The following GRK3 variants were observed in gnomAD, a reference collection of about 807,000 sequenced individuals.
GRK3 encodes G protein-coupled receptor kinase 3.
In GRK3, 54 loss-of-function variants were observed where a neutral mutation model predicts 95.7. That is an observed-to-expected ratio of 0.56 (90% CI 0.45 to 0.71). The LOEUF is 0.71. Among genes scored for constraint, GRK3 ranks in the 30% least tolerant of loss-of-function variants. GRK3 has a pLI of 0.00. For synonymous variants in GRK3, 281 were observed against 290.8 expected (o/e 0.97, Z 0.34); for missense variants, 649 against 851.2 (o/e 0.76, Z 2.96).
intron 1 of GRK3, among the ~76,000 whole-genome samples, chr22:25,599,548 T>C (rs2146336055): frequency 6.8e-6 from 1 of 146,554 alleles, no homozygotes; most frequent in East Asian, 2.0e-4. Context: ...GCCGAGATCA[T>C]GCCACTGCAC....
intron 3 of GRK3, 47 bp from the exon 4 acceptor site, chr22:25,661,529 G>A: frequency 7.6e-7 from 1 of 1,308,818 alleles, no homozygotes; most frequent in Middle Eastern, 2.5e-4. Context: ...AATAAGGCAA[G>A]TTTCCAGGAA....
chr22:25,686,811 CTGTA>C (rs2085118283), intron 10 of GRK3, among the ~76,000 whole-genome samples: 1 of 152,106 alleles, frequency 6.6e-6, no homozygotes, highest in Admixed American at 6.5e-5. Flanking sequence ...AAATATCTGT[CTGTA>C]TGATCAGTTT....
At chr22:25,599,407 A>G (rs1349729346) in intron 1 of GRK3, among the ~76,000 whole-genome samples, 1 of 152,072 alleles carries the variant, frequency 6.6e-6, no homozygotes, top group African/African-American at 2.4e-5. Flanking sequence ...CTTGGCTAAC[A>G]TGGTGAAACC....
At position 25,725,279 on chromosome 22, in the gene GRK3, A is replaced by C. The variant is rs2085464975; in HGVS notation, c.*2829A>C. ...AGATTCCTGTGGTTGGGATATTTTAACATTGATGAGAAAAATAATTGAGGT... is the reference window on the plus strand; with the variant it reads ...AGATTCCTGTGGTTGGGATATTTTACCATTGATGAGAAAAATAATTGAGGT... On this transcript the variant is annotated 3_prime_UTR_variant, in exon 21 of 21. Transcript: ENST00000324198. 1 of 325,764 alleles carries C rather than the reference A, an allele frequency of 3.1e-6. No homozygotes were observed. The highest frequency in any genetic ancestry group is 4.9e-5 in the Admixed American group (1 of 20,550). 20.2% of individuals were successfully genotyped at this position (325,764 alleles called of 1,614,324 possible). A position where few individuals can be genotyped will look rare whatever the true frequency, so the allele number is the denominator to read the frequency against.
At chr22:25,650,831 G>A (rs542868872) in intron 3 of GRK3, among the ~76,000 whole-genome samples, 2 of 152,204 alleles carry the variant, frequency 1.3e-5, no homozygotes, top group Middle Eastern at 3.4e-3. Flanking sequence ...AGTGGGATAC[G>A]GCTTTTATGC....
At chr22:25,620,912 A>G (rs184490516) in intron 2 of GRK3, among the ~76,000 whole-genome samples, 145 of 152,368 alleles carry the variant, frequency 9.5e-4, no homozygotes, top group African/African-American at 3.4e-3. Flanking sequence ...AACGAATTCC[A>G]TCAAGAAGAC....
chr22:25,719,462 C>T (rs1458573602), intron 19 of GRK3, among the ~76,000 whole-genome samples: 1 of 152,150 alleles, frequency 6.6e-6, no homozygotes, highest in East Asian at 1.9e-4. Context: ...CCTTGTGTCT[C>T]CACCTTGTTG....
At chr22:25,708,636 C>T (rs1009646772) in intron 15 of GRK3, among the ~76,000 whole-genome samples, 63 of 150,982 alleles carry the variant, frequency 4.2e-4, no homozygotes, top group Middle Eastern at 3.2e-3. Context: ...CTCCCCCATG[C>T]GGGCTTTTCC....
In GRK3 at chr22:25,604,424, C is replaced by A. The variant is rs1000738501; in HGVS notation, c.161C>A (p.Thr54Asn). Residue 54 changes from threonine (T) to asparagine (N), a missense_variant, in exon 2 of 21, where the codon ACC (threonine) becomes AAC (asparagine). Around this residue, in one of 3 missense-constraint regions of GRK3, gnomAD observed 206 missense variants for 231.4 expected, o/e 0.89. Coordinates refer to ENST00000324198, the MANE Select transcript of GRK3 (RefSeq NM_005160.4). Reference protein sequence around the residue: ...QKYLAERNEITFDKIFNQKIG... With the variant: ...QKYLAERNEINFDKIFNQKIG... ...TACCTTGCAGAGAGAAATGAAATAACCTTTGACAAGATTTTCAATCAGAAA... is the reference window on the plus strand; with the variant it reads ...TACCTTGCAGAGAGAAATGAAATAAACTTTGACAAGATTTTCAATCAGAAA... 2 of 1,611,690 alleles carry A rather than the reference C, an allele frequency of 1.2e-6. No homozygotes were observed. The highest frequency in any genetic ancestry group is 1.7e-6 in the Non-Finnish European group (2 of 1,179,104).
chr22:25,689,454 A>G (rs960862595), intron 11 of GRK3, among the ~76,000 whole-genome samples: 3 of 152,314 alleles, frequency 2.0e-5, no homozygotes, highest in African/African-American at 7.2e-5. Flanking sequence ...TTCTAATAGC[A>G]TGCCATTTAT....
chr22:25,712,752 C>T (rs972740620), intron 17 of GRK3, among the ~76,000 whole-genome samples: 10 of 152,238 alleles, frequency 6.6e-5, no homozygotes, highest in Admixed American at 5.2e-4. Context: ...CTGAAGGCTA[C>T]AGGCATATAG....
rs1450159667 is a variant in GRK3 at position 25,687,758 on chromosome 22, T to C, written c.957+91T>C. ...CTTCTATTTCATAGAGTCCTGTCAT[T>C]TTCCTCATAGCCCTCATCTCAGCCC... On this transcript the variant is annotated intron_variant, in intron 11 of 20. Coordinates refer to ENST00000324198, the MANE Select transcript of GRK3 (RefSeq NM_005160.4). 4.9e-6 allele frequency: 7 copies of C among 1,437,866 alleles called. No homozygotes were observed. In the African/African-American group the frequency reaches 9.8e-5, roughly 20 times the overall value. 89.1% of individuals were successfully genotyped at this position (1,437,866 alleles called of 1,614,324 possible).
At chr22:25,676,769 G>C (rs946354145) in intron 8 of GRK3, among the ~76,000 whole-genome samples, 1 of 152,064 alleles carries the variant, frequency 6.6e-6, no homozygotes, top group South Asian at 2.1e-4. Context: ...AAAATAGCCA[G>C]TGGGTAGTAA....
At chr22:25,688,937 G>A (rs1414158111) in intron 11 of GRK3, among the ~76,000 whole-genome samples, 1 of 152,262 alleles carries the variant, frequency 6.6e-6, no homozygotes, top group African/African-American at 2.4e-5. Flanking sequence ...TCTCATTTCA[G>A]ATGCCTTCTT....
chr22:25,577,711 A>G (rs41261944), intron 1 of GRK3, among the ~76,000 whole-genome samples: 4,525 of 152,246 alleles, frequency 0.03, 122 homozygotes, highest in Middle Eastern at 0.068. Context: ...AGATCTGTTC[A>G]GTGTTTGGAA....
chr22:25,673,818 G>A lies in GRK3; in HGVS notation c.556-619G>A, dbSNP rs553052980. Among the ~76,000 whole-genome samples the A allele has an allele frequency of 5.3e-5, 8 of 152,052 alleles. 1 individual carries two copies. In the South Asian group the frequency reaches 1.7e-3, roughly 32 times the overall value. On this transcript the variant is annotated intron_variant, in intron 7 of 20. Coordinates refer to ENST00000324198, the MANE Select transcript of GRK3 (RefSeq NM_005160.4). Reference sequence around the variant, plus strand: ...CATTACTGAGATATTATTGACTGAAGGAAAGTGCTTATGAATACAGCCTCT... The same window carrying A: ...CATTACTGAGATATTATTGACTGAAAGAAAGTGCTTATGAATACAGCCTCT...
At chr22:25,710,161 T>G (rs1265500982) in intron 16 of GRK3, among the ~76,000 whole-genome samples, 197 bp downstream of exon 16, 3 of 152,198 alleles carry the variant, frequency 2.0e-5, no homozygotes, top group African/African-American at 7.2e-5. Flanking sequence ...ATGTAGCCAG[T>G]TCCCTTTGGG....
rs979332186 is a variant in GRK3, at chr22:25,728,460, C to G, written c.*6010C>G. On this transcript the variant is annotated 3_prime_UTR_variant, in exon 21 of 21. Transcript: ENST00000324198. ...AAGCCACGGTATTGTCCAGGAGCCC[C>G]TGTGTGTGGGGCAGGTAGCTATCCC... 1 of 152,226 alleles carries G rather than the reference C, an allele frequency of 6.6e-6. No individual in the cohort carries two copies. The highest frequency in any genetic ancestry group is 1.5e-5 in the Non-Finnish European group (1 of 68,036). 9.4% of individuals were successfully genotyped at this position (152,226 alleles called of 1,614,324 possible). A position where few individuals can be genotyped will look rare whatever the true frequency, so the allele number is the denominator to read the frequency against.
At position 25,664,795 on chromosome 22, in the gene GRK3, A is replaced by G. The variant is rs546655787; in HGVS notation, c.441+1091A>G. Among the ~76,000 whole-genome samples the G allele has an allele frequency of 5.9e-5, 9 of 152,324 alleles. No individual in the cohort carries two copies. In the East Asian group the frequency reaches 1.5e-3, roughly 26 times the overall value. ...CGGCCTCCCAAAGTGCTGGGATTAC[A>G]GGCATGAGCCACCATGCCCGGCCAA... On this transcript the variant is annotated intron_variant, in intron 5 of 20. Coordinates refer to ENST00000324198, the MANE Select transcript of GRK3 (RefSeq NM_005160.4).
Sources: gnomAD v4.1 joint callset for allele counts (sites outside exome capture counted in the v4.1 genomes callset) on GRCh38, gnomAD v4.1.1 for gene constraint, gnomAD v4.1.1 regional missense constraint, MANE v1.5 for transcripts, NCBI Gene and HGNC (gene_info 2026-07-23, HGNC 2026-07-21) for gene names.